CFTR: variants seen among roughly 807,000 people sequenced by gnomAD.
CFTR encodes the protein CF transmembrane conductance regulator.
Under a neutral mutation model 171.6 loss-of-function variants are expected in CFTR, and 181 were observed. The ratio of observed to expected loss-of-function variants is 1.05; its 90% CI spans 0.93 to 1.19. The LOEUF is 1.19. Ranked by LOEUF, CFTR falls within the 50% of genes most tolerant of loss-of-function variation. CFTR has a pLI of 0.00. For missense variants in CFTR, 1,968 were observed against 1,734.7 expected, an observed-to-expected ratio of 1.13 and a Z score of -2.39; for synonymous variants, 583 against 608.0, an observed-to-expected ratio of 0.96 and a Z score of 0.60.
chr7:117,524,502 T>G (rs185082864), intron 3 of CFTR, among the ~76,000 whole-genome samples: 23 of 152,312 alleles, frequency 1.5e-4, no homozygotes, highest in African/African-American at 5.5e-4. Flanking sequence ...TAAAATAATT[T>G]TAAGGATTAA....
At chr7:117,609,176 A>C (rs1351350558) in intron 18 of CFTR, among the ~76,000 whole-genome samples, 1 of 152,132 alleles carries the variant, frequency 6.6e-6, no homozygotes, top group Non-Finnish European at 1.5e-5. Context: ...TAACTTTGAC[A>C]ATGTTCTGAC....
intron 18 of CFTR, among the ~76,000 whole-genome samples, chr7:117,607,301 T>TC (rs1156567108): frequency 6.6e-6 from 1 of 152,158 alleles, no homozygotes; most frequent in Non-Finnish European, 1.5e-5. Context: ...ATGAGGGCTG[T>TC]CCCTGAGTGA....
chr7:117,505,568 A>G (rs1374446937), intron 2 of CFTR, among the ~76,000 whole-genome samples: 6 of 152,126 alleles, frequency 3.9e-5, no homozygotes, highest in African/African-American at 1.4e-4. Flanking sequence ...AAGGACCACG[A>G]AAGAAGGAGC....
intron 21 of CFTR, among the ~76,000 whole-genome samples, chr7:117,621,295 T>C (rs1792576066): frequency 6.6e-6 from 1 of 152,190 alleles, no homozygotes; most frequent in African/African-American, 2.4e-5. Flanking sequence ...TCATTTTAGC[T>C]CTGATTTTCT....
At chr7:117,659,626 C>T (rs1793234580) in intron 24 of CFTR, among the ~76,000 whole-genome samples, 1 of 152,186 alleles carries the variant, frequency 6.6e-6, no homozygotes, top group African/African-American at 2.4e-5. Context: ...TGTGGGCTAT[C>T]TCAGGGTTGT....
intron 1 of CFTR, among the ~76,000 whole-genome samples, chr7:117,488,925 A>G (rs927182746): frequency 6.6e-6 from 1 of 152,064 alleles, no homozygotes; most frequent in African/African-American, 2.4e-5. Flanking sequence ...GAACTTAGCA[A>G]TACATAAAGG....
intron 11 of CFTR, among the ~76,000 whole-genome samples, chr7:117,582,460 C>T (rs1238711657): frequency 6.6e-6 from 1 of 152,126 alleles, no homozygotes; most frequent in African/African-American, 2.4e-5. Context: ...TTCTTTATGG[C>T]ATTTTTCCCA....
intron 18 of CFTR, among the ~76,000 whole-genome samples, chr7:117,608,046 A>G (rs1039429053): frequency 6.6e-6 from 1 of 152,368 alleles, no homozygotes; most frequent in East Asian, 1.9e-4. Flanking sequence ...TGATTGTGAA[A>G]GTATTTGCCA....
chr7:117,660,821 T>G (rs1458767262), intron 24 of CFTR, among the ~76,000 whole-genome samples: 1 of 152,102 alleles, frequency 6.6e-6, no homozygotes, highest in Non-Finnish European at 1.5e-5. Flanking sequence ...TTGCCCATAG[T>G]GCTTATCTCT....
chr7:117,541,069 C>G (rs1244617366), intron 8 of CFTR, among the ~76,000 whole-genome samples: 1 of 152,158 alleles, frequency 6.6e-6, no homozygotes, highest in Admixed American at 6.5e-5. Flanking sequence ...CCTGCCCTCT[C>G]CTGTTCATCA....
chr7:117,597,791 A>G (rs1792157274), intron 15 of CFTR, among the ~76,000 whole-genome samples: 1 of 149,454 alleles, frequency 6.7e-6, no homozygotes, highest in Non-Finnish European at 1.5e-5. Flanking sequence ...CCAAGCCTCT[A>G]CTGTTCTTCA....
At chr7:117,575,346 A>G (rs1034809550) in intron 11 of CFTR, among the ~76,000 whole-genome samples, 3 of 152,090 alleles carry the variant, frequency 2.0e-5, no homozygotes, top group Admixed American at 1.3e-4. Flanking sequence ...GAATTCCCCA[A>G]TTACTTGTAA....
chr7:117,531,140 T>C (rs762950441), intron 4 of CFTR, 26 bp downstream of exon 4: 1 of 1,522,146 alleles, frequency 6.6e-7, no homozygotes, highest in Non-Finnish European at 9.1e-7. Context: ...ACAGGCCCCA[T>C]GGCACATATA....
At chr7:117,539,877 G>C (rs550951300) in intron 7 of CFTR, among the ~76,000 whole-genome samples, 23 of 151,688 alleles carry the variant, frequency 1.5e-4, no homozygotes, top group Admixed American at 1.3e-3. Flanking sequence ...AGTACTACAA[G>C]CAAAACACTG....
chr7:117,627,883 A>G, intron 22 of CFTR, 113 bp downstream of exon 22: 2 of 1,102,184 alleles, frequency 1.8e-6, no homozygotes, highest in Non-Finnish European at 2.7e-6. Flanking sequence ...GTACAGTAGA[A>G]TCAATATTAA....
In CFTR at chr7:117,491,593, C is replaced by G. The variant is rs1008528744; in HGVS notation, c.53+11446C>G. Among the ~76,000 whole-genome samples, 5 of 151,972 alleles carry G rather than the reference C, an allele frequency of 3.3e-5. No homozygotes were observed. The East Asian group carries it at 9.7e-4, about 29-fold the overall frequency. On this transcript the variant is annotated intron_variant, in intron 1 of 26. Transcript: ENST00000003084. Reference sequence around the variant, plus strand: ...GGTTTGCTAGAAATCCTTGGCATTCCTTGACTTACAGAGGCATCACCCTGA... The same window carrying G: ...GGTTTGCTAGAAATCCTTGGCATTCGTTGACTTACAGAGGCATCACCCTGA...
At chr7:117,639,737 A>T (rs1236583040) in intron 22 of CFTR, among the ~76,000 whole-genome samples, 1 of 152,218 alleles carries the variant, frequency 6.6e-6, no homozygotes, top group East Asian at 1.9e-4. Context: ...CTATCTTGAT[A>T]AACATTGGTG....
chr7:117,625,018 CT>C (rs1173633253), intron 21 of CFTR, among the ~76,000 whole-genome samples: 7 of 152,168 alleles, frequency 4.6e-5, no homozygotes, highest in African/African-American at 1.4e-4. Flanking sequence ...ATAATGTTAG[CT>C]GTCCACATCT....
At position 117,614,678 on chromosome 7, in the gene CFTR, T is replaced by C. The variant is rs2116096582; in HGVS notation, c.3433T>C (p.Trp1145Arg). 1 of 1,612,396 alleles carries C rather than the reference T, an allele frequency of 6.2e-7. No homozygotes were observed. Among genetic ancestry groups the C allele is most frequent in the Non-Finnish European group, 8.5e-7 (1 of 1,178,710 alleles). ...CATGAATATCATGAGTACATTGCAGTGGGCTGTAAACTCCAGCATAGATGT... is the reference window on the plus strand; with the variant it reads ...CATGAATATCATGAGTACATTGCAGCGGGCTGTAAACTCCAGCATAGATGT... ...LAMNIMSTLQ[W>R]AVNSSIDVDS... Residue 1145 changes from tryptophan to arginine, a missense_variant, in exon 21 of 27, where the codon TGG becomes CGG. Coordinates refer to ENST00000003084, the MANE Select transcript of CFTR (RefSeq NM_000492.4).
Sources: gnomAD v4.1 joint callset for allele counts (sites outside exome capture counted in the v4.1 genomes callset) on GRCh38, gnomAD v4.1.1 for gene constraint, MANE v1.5 for transcripts, NCBI Gene and HGNC (gene_info 2026-07-23, HGNC 2026-07-21) for gene names.